The following MSRA variants were observed in gnomAD, a reference collection of about 807,000 sequenced individuals.
MSRA encodes the protein mitochondrial peptide methionine sulfoxide reductase.
Under a neutral mutation model 31.3 loss-of-function variants are expected in MSRA, and 54 were observed. The observed-to-expected ratio is 1.73, with a 90% confidence interval of 1.39 to 2.17. The LOEUF is 2.17. Among genes scored for constraint, MSRA ranks in the 30% most tolerant of loss-of-function variants. MSRA has a pLI of 0.00. For missense variants in MSRA, 507 were observed against 300.9 expected, an observed-to-expected ratio of 1.69 and a Z score of -5.07; for synonymous variants, 169 against 116.5, an observed-to-expected ratio of 1.45 and a Z score of -2.90.
At chr8:10,356,879 C>G (rs1226886277) in intron 5 of MSRA, among the ~76,000 whole-genome samples, 1 of 142,062 alleles carries the variant, frequency 7.0e-6, no homozygotes, top group Non-Finnish European at 1.5e-5. Context: ...TGTTTTTGAG[C>G]CTTGCCCATT....
intron 5 of MSRA, among the ~76,000 whole-genome samples, chr8:10,335,250 G>GTTTTTTTTTTTTTTTTTTT (rs1170264568): frequency 7.5e-5 from 6 of 79,882 alleles, no homozygotes; most frequent in Admixed American, 3.2e-4. Flanking sequence ...TCCCAGCTCT[G>GTTTTTTTTTTTTTTTTTTT]TTTTTTTTTT....
chr8:10,217,425 T>G (rs1439061585), intron 2 of MSRA, among the ~76,000 whole-genome samples: 4 of 152,234 alleles, frequency 2.6e-5, no homozygotes, highest in Non-Finnish European at 5.9e-5. Context: ...ACCCAGAAGT[T>G]AATTGCGTTG....
intron 3 of MSRA, among the ~76,000 whole-genome samples, chr8:10,278,590 G>C (rs1392285291): frequency 6.6e-6 from 1 of 152,204 alleles, no homozygotes; most frequent in Admixed American, 6.5e-5. Context: ...CCTTGGCTCA[G>C]CTATGGTGCA....
At chr8:10,328,767 C>G (rs572161781) in intron 5 of MSRA, among the ~76,000 whole-genome samples, 26 of 152,262 alleles carry the variant, frequency 1.7e-4, no homozygotes, top group African/African-American at 5.3e-4. Context: ...GAATAAGGCT[C>G]AAGAACTTTC....
At chr8:10,345,744 A>C (rs1186385950) in intron 5 of MSRA, among the ~76,000 whole-genome samples, 1 of 152,178 alleles carries the variant, frequency 6.6e-6, no homozygotes, top group African/African-American at 2.4e-5. Flanking sequence ...CTGGTGTTTT[A>C]AGCTCACTCT....
chr8:10,104,115 G>A (rs1054580845), intron 1 of MSRA, among the ~76,000 whole-genome samples: 3 of 152,142 alleles, frequency 2.0e-5, no homozygotes, highest in South Asian at 2.1e-4. Flanking sequence ...CCATTCTTCT[G>A]TGGATGGGCG....
At chr8:10,354,657 A>G (rs1228269844) in intron 5 of MSRA, among the ~76,000 whole-genome samples, 4 of 151,742 alleles carry the variant, frequency 2.6e-5, no homozygotes, top group African/African-American at 9.7e-5. Context: ...TGAAGGTATT[A>G]TCAGTGAAAA....
At chr8:10,252,501 A>G (rs1797969617) in intron 3 of MSRA, among the ~76,000 whole-genome samples, 1 of 152,192 alleles carries the variant, frequency 6.6e-6, no homozygotes, top group African/African-American at 2.4e-5. Flanking sequence ...TGCGATGGCC[A>G]GTAGCAGAGC....
chr8:10,058,072 A>G (rs946397707), intron 1 of MSRA, among the ~76,000 whole-genome samples: 1 of 152,168 alleles, frequency 6.6e-6, no homozygotes, highest in Non-Finnish European at 1.5e-5. Context: ...GTTTGATTCT[A>G]TCTTGGCTTT....
intron 1 of MSRA, among the ~76,000 whole-genome samples, chr8:10,066,559 G>A (rs1203601521): frequency 6.6e-6 from 1 of 152,056 alleles, no homozygotes; most frequent in Non-Finnish European, 1.5e-5. Flanking sequence ...TTGAGACGGA[G>A]TTTCACTGTT....
chr8:10,316,315 A>G (rs1801709372), intron 4 of MSRA, among the ~76,000 whole-genome samples: 1 of 151,992 alleles, frequency 6.6e-6, no homozygotes, highest in African/African-American at 2.4e-5. Context: ...ATGGTTCCAG[A>G]TGCAGCACTG....
chr8:10,258,057 C>T (rs1023168055), intron 3 of MSRA, among the ~76,000 whole-genome samples: 1 of 152,106 alleles, frequency 6.6e-6, no homozygotes, highest in Admixed American at 6.5e-5. Context: ...TTACATGTGA[C>T]CACTTCTTCT....
chr8:10,383,502 CTT>C (rs1806202130), intron 5 of MSRA, among the ~76,000 whole-genome samples: 1 of 152,030 alleles, frequency 6.6e-6, no homozygotes. Context: ...TGCTGGAACA[CTT>C]CAGCAAAATT....
chr8:10,157,843 T>A (rs77860533), intron 1 of MSRA, among the ~76,000 whole-genome samples: 2,750 of 152,172 alleles, frequency 0.018, 81 homozygotes, highest in African/African-American at 0.062. Flanking sequence ...CATCCCTCTA[T>A]CTTTTAATAA....
At chr8:10,274,103 C>T (rs1009806070) in intron 3 of MSRA, among the ~76,000 whole-genome samples, 15 of 152,206 alleles carry the variant, frequency 9.9e-5, no homozygotes, top group African/African-American at 3.1e-4. Context: ...TGGCAAAGGA[C>T]GCAATTTACA....
At chr8:10,327,571 A>G (rs1225679413) in intron 5 of MSRA, among the ~76,000 whole-genome samples, 3 of 152,096 alleles carry the variant, frequency 2.0e-5, no homozygotes, top group African/African-American at 7.2e-5. Flanking sequence ...GCCCTGACAA[A>G]TTGTGGTTTG....
At chr8:10,389,482 C>T (rs902856175) in intron 5 of MSRA, among the ~76,000 whole-genome samples, 1 of 152,238 alleles carries the variant, frequency 6.6e-6, no homozygotes, top group South Asian at 2.1e-4. Flanking sequence ...GTTCTGCCAT[C>T]CAATTACAAG....
chr8:10,416,861 A>G (rs1490927775), intron 5 of MSRA, among the ~76,000 whole-genome samples: 3 of 152,192 alleles, frequency 2.0e-5, no homozygotes, highest in East Asian at 1.9e-4. Flanking sequence ...CTCCTTCTCC[A>G]TCCTCCCCGT....
At chr8:10,324,985 T>C (rs761355705) in intron 5 of MSRA, among the ~76,000 whole-genome samples, 72 of 152,180 alleles carry the variant, frequency 4.7e-4, no homozygotes, top group Admixed American at 3.9e-4. Flanking sequence ...GAGTGTAAGA[T>C]TGGGCAATGC....
Sources: gnomAD v4.1 joint callset for allele counts (sites outside exome capture counted in the v4.1 genomes callset) on GRCh38, gnomAD v4.1.1 for gene constraint, MANE v1.5 for transcripts, NCBI Gene and HGNC (gene_info 2026-07-23, HGNC 2026-07-21) for gene names.